ZFPM2: variants seen among roughly 807,000 people sequenced by gnomAD.
ZFPM2 encodes zinc finger protein, FOG family member 2, also known as zinc finger protein ZFPM2.
In ZFPM2, 20 loss-of-function variants were observed where a neutral mutation model predicts 98.6. The ratio of observed to expected loss-of-function variants is 0.20; its 90% CI spans 0.14 to 0.29. The LOEUF is 0.29. Ranked by LOEUF, ZFPM2 falls within the 10% of genes least tolerant of loss-of-function variation. The pLI, the probability that ZFPM2 is intolerant of heterozygous loss-of-function variation, is 1.00. For missense variants in ZFPM2, 1,310 were observed against 1,388.6 expected (o/e 0.94, Z 0.90); for synonymous variants, 518 against 502.7 (o/e 1.03, Z -0.41).
At chr8:105,371,745 A>G (rs545685882) in intron 1 of ZFPM2, among the ~76,000 whole-genome samples, 2 of 152,276 alleles carry the variant, frequency 1.3e-5, no homozygotes, top group African/African-American at 4.8e-5. Context: ...AGACTAAAAT[A>G]TGAGACTAGA....
chr8:105,785,720 A>T (rs1219426606), intron 5 of ZFPM2, among the ~76,000 whole-genome samples: 1 of 151,506 alleles, frequency 6.6e-6, no homozygotes, highest in Non-Finnish European at 1.5e-5. Context: ...CCTGGGCAAC[A>T]TAGTGAGACT....
At chr8:105,657,317 T>C (rs113613248) in intron 5 of ZFPM2, among the ~76,000 whole-genome samples, 1,829 of 152,214 alleles carry the variant, frequency 0.012, 21 homozygotes, top group Middle Eastern at 0.034. Flanking sequence ...TTTTGTATTC[T>C]TAGTAGAAAC....
At chr8:105,371,612 T>C (rs1463670668) in intron 1 of ZFPM2, among the ~76,000 whole-genome samples, 1 of 152,170 alleles carries the variant, frequency 6.6e-6, no homozygotes, top group Admixed American at 6.5e-5. Context: ...TTATACAAAC[T>C]CAAATTCAGG....
chr8:105,732,098 T>A (rs1378961297), intron 5 of ZFPM2, among the ~76,000 whole-genome samples: 6 of 151,774 alleles, frequency 4.0e-5, no homozygotes, highest in Non-Finnish European at 7.4e-5. Flanking sequence ...CACTATACAG[T>A]GTAATTTAAT....
rs1352537828 is a variant in ZFPM2, at chr8:105,798,837, G to A, written c.853G>A (p.Glu285Lys). The A allele has an allele frequency of 6.2e-7, 1 of 1,613,868 alleles. No homozygotes were observed. Among genetic ancestry groups the A allele is most frequent in the African/African-American group, 1.3e-5 (1 of 74,924 alleles). Reference sequence around the variant, plus strand: ...GCAAAGAGAAGCTGCTCCGGTGTCAGAGGAAAATGAAGACAGTGCCCATCA... The same window carrying A: ...GCAAAGAGAAGCTGCTCCGGTGTCAAAGGAAAATGAAGACAGTGCCCATCA... Reference protein sequence around the residue: ...GRQREAAPVSEENEDSAHQIS... With the variant: ...GRQREAAPVSKENEDSAHQIS... Residue 285 changes from glutamate to lysine, a missense_variant, in exon 7 of 8, where the codon GAG (glutamate) becomes AAG (lysine). Transcript: ENST00000407775.
chr8:105,372,624 A>G (rs942810946), intron 1 of ZFPM2, among the ~76,000 whole-genome samples: 1 of 152,192 alleles, frequency 6.6e-6, no homozygotes, highest in African/African-American at 2.4e-5. Context: ...CTAAAATATC[A>G]TAGTGTCCTA....
chr8:105,428,040 A>G (rs189912269), intron 2 of ZFPM2, among the ~76,000 whole-genome samples: 2 of 152,322 alleles, frequency 1.3e-5, no homozygotes, highest in African/African-American at 4.8e-5. Context: ...CAACAAAACT[A>G]CTAAAGACTA....
intron 5 of ZFPM2, chr8:105,662,691 T>C (rs1817414428): frequency 6.6e-6 from 1 of 151,308 alleles, no homozygotes; most frequent in Non-Finnish European, 1.5e-5. Context: ...ATATTTCTTA[T>C]CAACTTTCTG....
intron 2 of ZFPM2, among the ~76,000 whole-genome samples, chr8:105,427,234 G>A (rs1811933285): frequency 6.6e-6 from 1 of 152,060 alleles, no homozygotes; most frequent in South Asian, 2.1e-4. Context: ...TTCTATGTAA[G>A]GGTCAGATAA....
chr8:105,644,312 G>A (rs1404515761), intron 5 of ZFPM2, among the ~76,000 whole-genome samples: 1 of 148,582 alleles, frequency 6.7e-6, no homozygotes, highest in African/African-American at 2.5e-5. Flanking sequence ...AAAAAACAGG[G>A]TTTTGCCATG....
At chr8:105,529,860 A>G (rs1814258366) in intron 3 of ZFPM2, among the ~76,000 whole-genome samples, 1 of 151,952 alleles carries the variant, frequency 6.6e-6, no homozygotes, top group Admixed American at 6.6e-5. Context: ...CTTCCCGAGT[A>G]GCTGGGATTA....
intron 5 of ZFPM2, among the ~76,000 whole-genome samples, chr8:105,706,182 A>G (rs1024978537): frequency 2.6e-5 from 4 of 152,178 alleles, no homozygotes; most frequent in African/African-American, 9.6e-5. Context: ...AAGTCCAGTG[A>G]TCAACTGCTA....
intron 5 of ZFPM2, among the ~76,000 whole-genome samples, chr8:105,720,302 C>G (rs1209965194): frequency 6.6e-6 from 1 of 151,850 alleles, no homozygotes; most frequent in Non-Finnish European, 1.5e-5. Flanking sequence ...CCAACATTTT[C>G]CAGGTTTTAC....
intron 1 of ZFPM2, among the ~76,000 whole-genome samples, chr8:105,348,740 T>G (rs1029437485): frequency 6.6e-6 from 1 of 152,156 alleles, no homozygotes; most frequent in Non-Finnish European, 1.5e-5. Flanking sequence ...ATTGACATAT[T>G]AGATAATTCA....
At chr8:105,515,525 TA>T (rs1813900598) in intron 3 of ZFPM2, among the ~76,000 whole-genome samples, 1 of 152,248 alleles carries the variant, frequency 6.6e-6, no homozygotes, top group Non-Finnish European at 1.5e-5. Context: ...TGCTTTGTTT[TA>T]GATTCCTAGG....
At chr8:105,660,251 C>T (rs548701708) in intron 5 of ZFPM2, among the ~76,000 whole-genome samples, 5 of 152,134 alleles carry the variant, frequency 3.3e-5, no homozygotes, top group African/African-American at 1.2e-4. Flanking sequence ...TTCCTAACAA[C>T]ATCTGACAGT....
At chr8:105,337,082 T>G (rs573073277) in intron 1 of ZFPM2, among the ~76,000 whole-genome samples, 1 of 151,874 alleles carries the variant, frequency 6.6e-6, no homozygotes, top group Non-Finnish European at 1.5e-5. Context: ...CCTGAACACA[T>G]AGTTGTTGTG....
intron 5 of ZFPM2, among the ~76,000 whole-genome samples, chr8:105,750,759 T>A (rs1426146381): frequency 6.6e-6 from 1 of 152,024 alleles, no homozygotes; most frequent in African/African-American, 2.4e-5. Flanking sequence ...GCACAACCAA[T>A]TTTGCCAAGG....
At chr8:105,751,411 G>A (rs775704063) in intron 5 of ZFPM2, among the ~76,000 whole-genome samples, 6 of 152,012 alleles carry the variant, frequency 3.9e-5, no homozygotes, top group East Asian at 1.9e-4. Context: ...GTTTGTTACC[G>A]CATTAAACAA....
Sources: gnomAD v4.1 joint callset for allele counts (sites outside exome capture counted in the v4.1 genomes callset) on GRCh38, gnomAD v4.1.1 for gene constraint, MANE v1.5 for transcripts, NCBI Gene and HGNC (gene_info 2026-07-23, HGNC 2026-07-21) for gene names.